AP3D1: variants seen among roughly 807,000 people sequenced by gnomAD.
AP3D1 encodes AP-3 complex subunit delta-1.
AP3D1 carries 51 observed loss-of-function variants against 147.6 expected under a neutral mutation model. The observed-to-expected ratio is 0.35, with a 90% CI of 0.28 to 0.44. AP3D1 has a LOEUF of 0.44. Ranked by LOEUF, AP3D1 falls within the 20% of genes least tolerant of loss-of-function variation. The pLI, the probability that AP3D1 is intolerant of heterozygous loss-of-function variation, is 1.00. For synonymous variants in AP3D1, 760 were observed against 663.0 expected (o/e 1.15, Z -2.25); for missense variants, 1,421 against 1,624.2 (o/e 0.87, Z 2.15).
intron 1 of AP3D1, among the ~76,000 whole-genome samples, chr19:2,149,300 C>T (rs1389307271): frequency 6.6e-6 from 1 of 152,166 alleles, no homozygotes; most frequent in Non-Finnish European, 1.5e-5. Context: ...AATTCTAACA[C>T]TCTGGGAGGC....
chr19:2,162,331 C>T (rs2019721297), intron 1 of AP3D1, among the ~76,000 whole-genome samples: 2 of 140,190 alleles, frequency 1.4e-5, no homozygotes, highest in South Asian at 4.5e-4. Flanking sequence ...CCACCGCACC[C>T]GGCCCCTGTT....
intron 5 of AP3D1, among the ~76,000 whole-genome samples, chr19:2,131,956 T>C (rs1311749088): frequency 2.0e-5 from 3 of 152,240 alleles, no homozygotes; most frequent in Admixed American, 6.5e-5. Flanking sequence ...ATCTGGCTAC[T>C]GTGTTTTAAA....
rs1285693087 is a variant in AP3D1, at chr19:2,137,818, A to T, written c.193-11T>A. ...TCCCAACATCTGTAACTGTTAAGGG[A>T]CGCACAGGAAATTGCACTCACAAGC... On this transcript the variant is annotated splice_polypyrimidine_tract_variant and intron_variant, in intron 2 of 31. Coordinates refer to ENST00000643116, the MANE Select transcript of AP3D1 (RefSeq NM_001261826.3). 3 of 1,613,486 alleles carry T rather than the reference A, an allele frequency of 1.9e-6. No individual in the cohort carries two copies. Among genetic ancestry groups the T allele is most frequent in the Non-Finnish European group, 2.5e-6 (3 of 1,179,706 alleles).
chr19:2,151,962 G>A (rs1326405020), upstream of AP3D1, among the ~76,000 whole-genome samples: 1 of 152,236 alleles, frequency 6.6e-6, no homozygotes, highest in Non-Finnish European at 1.5e-5. Context: ...AATAGCTGAC[G>A]CGGCCTGAGA....
At chr19:2,112,794 G>A (rs114624109) in intron 24 of AP3D1, 66 bp downstream of exon 24, 411 of 1,332,804 alleles carry the variant, frequency 3.1e-4, no homozygotes, top group African/African-American at 2.6e-3. Context: ...AGCTGTGTCC[G>A]GCCCCACGTT....
At chr19:2,129,781 C>T (rs1171257507) in intron 6 of AP3D1, among the ~76,000 whole-genome samples, 1 of 152,250 alleles carries the variant, frequency 6.6e-6, no homozygotes, top group Admixed American at 6.5e-5. Context: ...GCTCCAGAAA[C>T]AGCTGCCCAG....
At chr19:2,140,334 G>C (rs973938398) in intron 1 of AP3D1, among the ~76,000 whole-genome samples, 2 of 152,114 alleles carry the variant, frequency 1.3e-5, no homozygotes, top group African/African-American at 4.8e-5. Flanking sequence ...CGAGGGGATG[G>C]AAAACAGGTG....
intron 14 of AP3D1, 129 bp downstream of exon 14, chr19:2,120,733 G>A (rs2018585526): frequency 4.5e-6 from 4 of 879,546 alleles, no homozygotes; most frequent in African/African-American, 1.7e-5. Flanking sequence ...GGAAACCCAC[G>A]GACCTGCAAG....
rs1489771663 is a variant in AP3D1, at chr19:2,102,185, C to T, written c.3636G>A (p.Leu1212=). Reference sequence around the variant, plus strand: ...TCGCAGGCAGCTCTCAACACTTGGCCAGCGTCGCCTTCATCTCTTCTAACA... The same window carrying T: ...TCGCAGGCAGCTCTCAACACTTGGCTAGCGTCGCCTTCATCTCTTCTAACA... ...SNLLEEMKAT[L]AKC Residue 1212 remains leucine, a synonymous_variant, in exon 32 of 32, where the codon CTG becomes CTA. Transcript: ENST00000643116. 6.2e-7 allele frequency: 1 copy of T among 1,613,722 alleles called. No homozygotes were observed. Among genetic ancestry groups the T allele is most frequent in the Non-Finnish European group, 8.5e-7 (1 of 1,179,874 alleles).
rs45542440 is a variant in AP3D1 at position 2,137,886 on chromosome 19, C to T, written c.193-79G>A. 60,156 of 1,300,302 alleles carry T rather than the reference C, an allele frequency of 0.046. 1,853 individuals are homozygous for T. Among genetic ancestry groups the T allele is most frequent in the East Asian group, 0.13 (5,532 of 43,210 alleles). The allele number at this position is 1,300,302 out of a possible 1,614,324, so 80.5% of individuals were successfully genotyped here. ...TTTTGAGCCGCGGCATCAAGCGCTC[C>T]CTCCCAGCACACGGTGCTGGAACAG... is the stretch of plus-strand genomic sequence containing the variant. On this transcript the variant is annotated intron_variant, in intron 2 of 31. Coordinates refer to ENST00000643116, the MANE Select transcript of AP3D1 (RefSeq NM_001261826.3).
rs187107259 is a variant in AP3D1, at chr19:2,139,659, C to T, written c.97-945G>A. 3.9e-4 allele frequency among the ~76,000 whole-genome samples: 59 copies of T among 152,288 alleles called. No individual in the cohort carries two copies. The Middle Eastern group carries it at 0.014, about 35-fold the overall frequency. ...GGCTTGGAGTGCCTCCATCAGTGAACGATGAGGCACCCACAAGCCCTCCTA... is the reference window on the plus strand; with the variant it reads ...GGCTTGGAGTGCCTCCATCAGTGAATGATGAGGCACCCACAAGCCCTCCTA... On this transcript the variant is annotated intron_variant, in intron 1 of 31. Transcript: ENST00000643116.
rs1285613712 is a variant in AP3D1, at chr19:2,114,002, C to T, written c.2601+123G>A. 30 of 1,445,464 alleles carry T rather than the reference C, an allele frequency of 2.1e-5. No homozygotes were observed. In the East Asian group the frequency reaches 4.7e-4, roughly 23 times the overall value. 89.5% of individuals were successfully genotyped at this position (1,445,464 alleles called of 1,614,324 possible). A position where few individuals can be genotyped will look rare whatever the true frequency, so the allele number is the denominator to read the frequency against. On this transcript the variant is annotated intron_variant, in intron 22 of 31. Transcript: ENST00000643116. ...CACTCCGCCGGGGCACAGGGCGAGG[C>T]GGCTGGCACTCGCTGCCTGACTCAG...
At chr19:2,103,301 T>C (rs528501007) in intron 31 of AP3D1, among the ~76,000 whole-genome samples, 2 of 151,532 alleles carry the variant, frequency 1.3e-5, no homozygotes, top group East Asian at 1.9e-4. Context: ...CCAGCCTACA[T>C]AGAAGTGGGA....
rs189082400 is a variant in AP3D1, at chr19:2,133,894, G to A, written c.355-1316C>T. ...GGAGTCTGAGGCGGGAAGATCACGA[G>A]GTCAGGAGATCGAGACCATCCTGAC... is the stretch of plus-strand genomic sequence containing the variant. On this transcript the variant is annotated intron_variant, in intron 4 of 31. Coordinates refer to ENST00000643116, the MANE Select transcript of AP3D1 (RefSeq NM_001261826.3). Among the ~76,000 whole-genome samples, 149 of 151,902 alleles carry A rather than the reference G, an allele frequency of 9.8e-4. 1 individual carries two copies. The highest frequency in any genetic ancestry group is 1.8e-3 in the Non-Finnish European group (120 of 67,890).
chr19:2,131,254 G>A (rs1273639069), intron 5 of AP3D1, among the ~76,000 whole-genome samples: 6 of 152,262 alleles, frequency 3.9e-5, no homozygotes, highest in Non-Finnish European at 5.9e-5. Flanking sequence ...CATCAGCCAC[G>A]ATCTAGACAC....
At chr19:2,103,571 G>C (rs1225155707) in intron 31 of AP3D1, among the ~76,000 whole-genome samples, 6 of 152,208 alleles carry the variant, frequency 3.9e-5, no homozygotes, top group African/African-American at 9.7e-5. Flanking sequence ...CCGTTCCAAA[G>C]AGCAACCGAA....
intron 1 of AP3D1, among the ~76,000 whole-genome samples, chr19:2,150,693 G>A (rs1599500700): frequency 1.3e-5 from 2 of 152,170 alleles, no homozygotes; most frequent in East Asian, 3.9e-4. Context: ...GCATTTACAC[G>A]ACCCAGAAGG....
rs768863559 is a variant in AP3D1 at position 2,109,899 on chromosome 19, G to A, written c.3324C>T (p.Ser1108=). The A allele has an allele frequency of 3.1e-6, 5 of 1,613,862 alleles. No homozygotes were observed. In the South Asian group the frequency reaches 5.5e-5, roughly 18 times the overall value. Residue 1108 remains serine, a synonymous_variant, in exon 29 of 32, where the codon TCC becomes TCT. Coordinates refer to ENST00000643116, the MANE Select transcript of AP3D1 (RefSeq NM_001261826.3). ...LDFRLHFSCS[S]YLITTPCYSD... is the part of the protein sequence containing the mutation. ...TGTAGCAGGGAGTGGTGATCAAGTA[G>A]GAGCTGCAGCTGAAGTGCAGCCTGA...
chr19:2,109,788 C>CG lies in AP3D1; in HGVS notation c.3350+84_3350+85insC, dbSNP rs2018214427. On this transcript the variant is annotated intron_variant, in intron 29 of 31. Coordinates refer to ENST00000643116, the MANE Select transcript of AP3D1 (RefSeq NM_001261826.3). ...CGTCTCTAAAGTCCTGCCCAGAAGC[C>CG]TCAGTCCCCGGGGCACAGGTGTCTG... 4.5e-6 allele frequency: 6 copies of CG among 1,327,048 alleles called. No individual in the cohort carries two copies. The Admixed American group carries it at 8.5e-5, about 19-fold the overall frequency. The allele number at this position is 1,327,048 out of a possible 1,614,324, so 82.2% of individuals were successfully genotyped here.
Sources: allele counts gnomAD v4.1 joint callset (sites outside exome capture counted in the v4.1 genomes callset), GRCh38; gene constraint gnomAD v4.1.1; transcripts MANE v1.5; gene names NCBI Gene and HGNC (gene_info 2026-07-23, HGNC 2026-07-21).